Variants in FNIP2 observed in about 807,000 individuals in gnomAD.
The protein encoded by FNIP2 is folliculin interacting protein 2.
Under a neutral mutation model 108.7 loss-of-function variants are expected in FNIP2, and 32 were observed. That is an observed-to-expected ratio of 0.29 (90% CI 0.22 to 0.40). The LOEUF is 0.40. Ranked by LOEUF, FNIP2 falls within the 10% of genes least tolerant of loss-of-function variation. The pLI, the probability that FNIP2 is intolerant of heterozygous loss-of-function variation, is 1.00. For missense variants in FNIP2, 1,202 were observed against 1,381.6 expected (o/e 0.87, Z 2.06); for synonymous variants, 480 against 496.7 (o/e 0.97, Z 0.45).
At chr4:158,778,093 T>C (rs575493054) in intron 1 of FNIP2, among the ~76,000 whole-genome samples, 2 of 152,376 alleles carry the variant, frequency 1.3e-5, no homozygotes, top group East Asian at 3.9e-4. Context: ...AACCCAGTAG[T>C]TCTCAAGTCT....
rs1339989811 is a variant in FNIP2, at chr4:158,802,904, T to C, written c.108-23012T>C. On this transcript the variant is annotated intron_variant, in intron 1 of 16. Transcript: ENST00000264433. Reference sequence around the variant, plus strand: ...TTGATTCTTAAACTTGGCACTCTTCTGTAGGACCACTTAATACCTGGTACA... The same window carrying C: ...TTGATTCTTAAACTTGGCACTCTTCCGTAGGACCACTTAATACCTGGTACA... Among the ~76,000 whole-genome samples, 3 of 152,248 alleles carry C rather than the reference T, an allele frequency of 2.0e-5. 1 individual carries two copies. The highest frequency in any genetic ancestry group is 6.5e-5 in the Admixed American group (1 of 15,274).
Position 158,832,061 on chromosome 4 carries a change from C to T in FNIP2, c.483-6C>T, listed in dbSNP as rs376771036. Reference sequence around the variant, plus strand: ...TTTTTCCCCTCTCCTTTTTTCCCCTCCACAGTTCTCCTCCACAACTGATGA... The same window carrying T: ...TTTTTCCCCTCTCCTTTTTTCCCCTTCACAGTTCTCCTCCACAACTGATGA... On this transcript the variant is annotated splice_polypyrimidine_tract_variant and splice_region_variant and intron_variant, in intron 4 of 16. Transcript: ENST00000264433. 17 of 1,613,236 alleles carry T rather than the reference C, an allele frequency of 1.1e-5. No individual in the cohort carries two copies. In the African/African-American group the frequency reaches 1.7e-4, roughly 16 times the overall value.
chr4:158,824,459 G>A lies in FNIP2; in HGVS notation c.108-1457G>A, dbSNP rs1162705505. ...TCTAAGCAAGGCCCCCTTTCACCTC[G>A]GGCACCTCTCCAGTCCATTGGGAAA... On this transcript the variant is annotated intron_variant, in intron 1 of 16. Coordinates refer to ENST00000264433, the MANE Select transcript of FNIP2 (RefSeq NM_020840.3). Among the ~76,000 whole-genome samples, 5 of 151,860 alleles carry A rather than the reference G, an allele frequency of 3.3e-5. 1 individual carries two copies. The South Asian group carries it at 8.3e-4, about 25-fold the overall frequency.
At chr4:158,797,789 C>T (rs1482956790) in intron 1 of FNIP2, among the ~76,000 whole-genome samples, 1 of 152,172 alleles carries the variant, frequency 6.6e-6, no homozygotes, top group Non-Finnish European at 1.5e-5. Context: ...GCTGCCATCT[C>T]TCCACTGGCA....
intron 2 of FNIP2, among the ~76,000 whole-genome samples, chr4:158,826,912 C>T (rs534604487): frequency 6.6e-6 from 1 of 152,296 alleles, no homozygotes; most frequent in East Asian, 1.9e-4. Flanking sequence ...CAAATACTGG[C>T]AGTTTGTAGA....
chr4:158,838,786 G>T (rs1727364242), intron 7 of FNIP2, among the ~76,000 whole-genome samples: 1 of 151,930 alleles, frequency 6.6e-6, no homozygotes, highest in Non-Finnish European at 1.5e-5. Context: ...TCATCTAATA[G>T]CCTTTTCTGG....
chr4:158,903,043 C>T (rs1189881390), intron 16 of FNIP2, among the ~76,000 whole-genome samples: 1 of 152,180 alleles, frequency 6.6e-6, no homozygotes, highest in Non-Finnish European at 1.5e-5. Flanking sequence ...GGAAAAAAAA[C>T]TCTTGCAGCT....
intron 1 of FNIP2, among the ~76,000 whole-genome samples, chr4:158,816,991 T>TG (rs962926266): frequency 6.6e-6 from 1 of 152,026 alleles, no homozygotes; most frequent in Non-Finnish European, 1.5e-5. Flanking sequence ...AGAGATTCTA[T>TG]GGGGGTTTTT....
chr4:158,803,226 A>G (rs1466351022), intron 1 of FNIP2, among the ~76,000 whole-genome samples: 1 of 152,240 alleles, frequency 6.6e-6, no homozygotes, highest in African/African-American at 2.4e-5. Context: ...TGAACTGTAG[A>G]AAGGAAATAG....
chr4:158,861,511 C>A, intron 11 of FNIP2, 23 bp downstream of exon 11: 1 of 1,613,710 alleles, frequency 6.2e-7, no homozygotes, highest in Non-Finnish European at 8.5e-7. Context: ...TCTCTGGAGA[C>A]TTGTATGCAA....
chr4:158,852,788 A>G (rs1371002174), intron 8 of FNIP2, among the ~76,000 whole-genome samples: 1 of 152,200 alleles, frequency 6.6e-6, no homozygotes, highest in Non-Finnish European at 1.5e-5. Flanking sequence ...ATTGGAAGAG[A>G]TAGGTCTTGG....
intron 1 of FNIP2, among the ~76,000 whole-genome samples, chr4:158,787,196 A>G (rs1166818567): frequency 6.6e-6 from 1 of 152,216 alleles, no homozygotes; most frequent in East Asian, 1.9e-4. Flanking sequence ...TGGCAAATAC[A>G]AAGATTTGTT....
intron 7 of FNIP2, among the ~76,000 whole-genome samples, chr4:158,837,547 G>A (rs1197611695): frequency 6.6e-6 from 1 of 152,290 alleles, no homozygotes; most frequent in East Asian, 1.9e-4. Context: ...AATCTTACTT[G>A]TTTTGTATTC....
At chr4:158,871,387 A>G (rs1780940374) in intron 14 of FNIP2, 4 of 985,072 alleles carry the variant, frequency 4.1e-6, no homozygotes, top group South Asian at 4.7e-5. Flanking sequence ...CCTGTTACCT[A>G]CCTCCTTGGC....
Position 158,825,898 on chromosome 4 carries a change from GC to G in FNIP2, c.108-15del. The G allele has an allele frequency of 6.3e-7, 1 of 1,599,940 alleles. No homozygotes were observed. The highest frequency in any genetic ancestry group is 8.6e-7 in the Non-Finnish European group (1 of 1,169,576). Reference sequence around the variant, plus strand: ...TGCTGCAGATAACATAACTTCTTTTGCCCTTTTTAATCCACAGTTGGTCATG... The same window carrying G: ...TGCTGCAGATAACATAACTTCTTTTGCCTTTTTAATCCACAGTTGGTCATG... On this transcript the variant is annotated splice_polypyrimidine_tract_variant and intron_variant, in intron 1 of 16. Coordinates refer to ENST00000264433, the MANE Select transcript of FNIP2 (RefSeq NM_020840.3).
Position 158,870,364 on chromosome 4 carries a change from G to T in FNIP2, c.2844G>T (p.Leu948=). 6.2e-7 allele frequency: 1 copy of T among 1,614,032 alleles called. No individual in the cohort carries two copies. ...QNVRNFGRSL[L]AGYCPTYMPD... is the part of the protein sequence containing the mutation. ...TAAGGAACTTTGGCCGCTCACTTCT[G>T]GCGGGCTACTGCCCCACATACATGC... is the stretch of plus-strand genomic sequence containing the variant. The change falls in exon 14 of 17, where the codon CTG becomes CTT. Residue 948 remains leucine, a synonymous_variant. Coordinates refer to ENST00000264433, the MANE Select transcript of FNIP2 (RefSeq NM_020840.3).
intron 10 of FNIP2, among the ~76,000 whole-genome samples, chr4:158,860,487 A>G (rs1216837861): frequency 6.6e-6 from 1 of 152,126 alleles, no homozygotes; most frequent in Non-Finnish European, 1.5e-5. Flanking sequence ...GTGATTGCTA[A>G]GACTTAAGTC....
Position 158,869,132 on chromosome 4 carries a change from G to A in FNIP2, c.2496G>A (p.Arg832=). 2 of 1,614,054 alleles carry A rather than the reference G, an allele frequency of 1.2e-6. No homozygotes were observed. The highest frequency in any genetic ancestry group is 1.7e-6 in the Non-Finnish European group (2 of 1,179,898). The change falls in exon 13 of 17, where the codon AGG becomes AGA. Residue 832 remains arginine (R), a synonymous_variant. Coordinates refer to ENST00000264433, the MANE Select transcript of FNIP2 (RefSeq NM_020840.3). ...ACGGTGCAGGAGGAACGGGAGGGAG[G>A]AGGCTGGAGGCCACTAGAGGTTTGT... is the stretch of plus-strand genomic sequence containing the variant. ...ASHGAGGTGG[R]RLEATRGLYV...
chr4:158,809,918 T>C (rs1777180791), intron 1 of FNIP2, among the ~76,000 whole-genome samples: 1 of 152,218 alleles, frequency 6.6e-6, no homozygotes, highest in Non-Finnish European at 1.5e-5. Context: ...GTCCTTAGAT[T>C]GTCTGTGGTA....
Sources: gnomAD v4.1 joint callset for allele counts (sites outside exome capture counted in the v4.1 genomes callset) on GRCh38, gnomAD v4.1.1 for gene constraint, MANE v1.5 for transcripts, NCBI Gene and HGNC (gene_info 2026-07-23, HGNC 2026-07-21) for gene names.